The following FAM47E variants were observed in gnomAD, a reference collection of about 807,000 sequenced individuals.
FAM47E encodes the protein family with sequence similarity 47 member E.
In FAM47E, 32 loss-of-function variants were observed where a neutral mutation model predicts 41.6. The ratio of observed to expected loss-of-function variants is 0.77; its 90% CI spans 0.58 to 1.03. The LOEUF (loss-of-function observed/expected upper bound fraction) is 1.03, where lower values mean the gene tolerates loss of function less well. Ranked by LOEUF, FAM47E falls within the 50% of genes least tolerant of loss-of-function variation. The pLI, the probability that FAM47E is intolerant of heterozygous loss-of-function variation, is 0.00. For missense variants in FAM47E, 424 were observed against 485.4 expected, an observed-to-expected ratio of 0.87 and a Z score of 1.19; for synonymous variants, 184 against 188.7, an observed-to-expected ratio of 0.98 and a Z score of 0.20.
intron 2 of FAM47E, among the ~76,000 whole-genome samples, chr4:76,234,059 G>C (rs1393689468): frequency 2.6e-5 from 4 of 152,248 alleles, no homozygotes; most frequent in Non-Finnish European, 4.4e-5. Context: ...CAGGCCCAGG[G>C]TGTGTGGCAG....
At chr4:76,245,205 A>G (rs1448646127) in intron 2 of FAM47E, among the ~76,000 whole-genome samples, 2 of 152,066 alleles carry the variant, frequency 1.3e-5, no homozygotes, top group Non-Finnish European at 2.9e-5. Flanking sequence ...TAAGTAACAT[A>G]CGTATCAGAG....
At chr4:76,276,222 C>T (rs532548561) in intron 5 of FAM47E, among the ~76,000 whole-genome samples, 13 of 151,930 alleles carry the variant, frequency 8.6e-5, no homozygotes, top group Admixed American at 3.9e-4. Flanking sequence ...GAATAATTTC[C>T]GAAGCTTATA....
intron 2 of FAM47E, among the ~76,000 whole-genome samples, chr4:76,262,233 C>T (rs750057805): frequency 1.3e-5 from 2 of 152,012 alleles, no homozygotes; most frequent in East Asian, 1.9e-4. Flanking sequence ...TGAATATGAA[C>T]GTATTCTCCA....
intron 2 of FAM47E, among the ~76,000 whole-genome samples, chr4:76,229,264 C>A (rs962732152): frequency 4.6e-5 from 7 of 151,840 alleles, no homozygotes; most frequent in African/African-American, 1.7e-4. Context: ...TTTTAAATTT[C>A]TTTACGTTGG....
intron 2 of FAM47E, among the ~76,000 whole-genome samples, chr4:76,246,563 A>G (rs902252360): frequency 6.6e-6 from 1 of 152,102 alleles, no homozygotes; most frequent in Non-Finnish European, 1.5e-5. Context: ...TAACTTACAT[A>G]GTAAAATGCA....
intron 2 of FAM47E, among the ~76,000 whole-genome samples, chr4:76,245,101 T>C (rs1454996549): frequency 6.6e-6 from 1 of 151,764 alleles, no homozygotes. Context: ...TCACCAACAC[T>C]AGTAACGATG....
intron 2 of FAM47E, among the ~76,000 whole-genome samples, chr4:76,262,774 T>G (rs1734472729): frequency 6.6e-6 from 1 of 152,072 alleles, no homozygotes; most frequent in African/African-American, 2.4e-5. Context: ...TTTTTGTTTG[T>G]TTTTTTGAGA....
At chr4:76,256,095 C>G in intron 1 of FAM47E, 83 bp from the exon 2 acceptor site, 1 of 1,444,446 alleles carries the variant, frequency 6.9e-7, no homozygotes, top group South Asian at 1.4e-5. Flanking sequence ...TTTTTACTAC[C>G]TCCTTCTCCC....
intron 2 of FAM47E, among the ~76,000 whole-genome samples, chr4:76,235,500 G>T (rs1733571692): frequency 2.0e-5 from 3 of 152,072 alleles, no homozygotes; most frequent in Admixed American, 2.0e-4. Context: ...CTTTACAACT[G>T]TGGGAGGTAG....
At chr4:76,221,817 C>A (rs530292487) in intron 2 of FAM47E, among the ~76,000 whole-genome samples, 1 of 152,302 alleles carries the variant, frequency 6.6e-6, no homozygotes, top group South Asian at 2.1e-4. Flanking sequence ...ATGCTCACTA[C>A]CTGGGTGACA....
Position 76,251,866 on chromosome 4 carries a change from C to G in FAM47E, c.74+46C>G, listed in dbSNP as rs1733978123. 3 of 1,364,966 alleles carry G rather than the reference C, an allele frequency of 2.2e-6. No homozygotes were observed. The South Asian group carries it at 5.2e-5, about 24-fold the overall frequency. The allele number at this position is 1,364,966 out of a possible 1,614,324, so 84.6% of individuals were successfully genotyped here. On this transcript the variant is annotated intron_variant, in intron 1 of 7. Transcript: ENST00000424749. ...CCGAGGGCGCATCCCACGCGGGCCGCGCGGGGGCGCCTGGAGACCCGCGCT... is the reference window on the plus strand; with the variant it reads ...CCGAGGGCGCATCCCACGCGGGCCGGGCGGGGGCGCCTGGAGACCCGCGCT...
intron 2 of FAM47E, among the ~76,000 whole-genome samples, chr4:76,239,068 T>G (rs916789052): frequency 1.3e-5 from 2 of 152,218 alleles, no homozygotes; most frequent in Admixed American, 6.5e-5. Context: ...ATATCAAAAT[T>G]TCCTTCCTAT....
At position 76,278,215 on chromosome 4, in the gene FAM47E, G is replaced by T. The variant is rs1226671366; in HGVS notation, c.1017G>T (p.Leu339=). The change falls in exon 6 of 8, where the codon CTG becomes CTT. Residue 339 remains leucine (L), a synonymous_variant. Transcript: ENST00000424749. ...KAQEENFKKE[L]QEQEELLADL... ...AAGAGGAGAATTTTAAAAAGGAGCT[G>T]CAGGAACAGGTATGTATTTATACTG... 1.3e-6 allele frequency: 2 copies of T among 1,539,552 alleles called. No individual in the cohort carries two copies. The highest frequency in any genetic ancestry group is 2.8e-5 in the African/African-American group (2 of 72,094).
intron 2 of FAM47E, among the ~76,000 whole-genome samples, chr4:76,244,859 G>A (rs1385200577): frequency 6.6e-6 from 1 of 151,276 alleles, no homozygotes; most frequent in Non-Finnish European, 1.5e-5. Context: ...GTTGACATAT[G>A]TTTTCTCTCA....
intron 2 of FAM47E, among the ~76,000 whole-genome samples, chr4:76,221,084 C>A (rs1293522821): frequency 6.6e-6 from 1 of 152,182 alleles, no homozygotes; most frequent in Non-Finnish European, 1.5e-5. Context: ...CTGCCTGGCA[C>A]CATGCAATCT....
intron 2 of FAM47E, among the ~76,000 whole-genome samples, chr4:76,231,811 G>T (rs1168728036): frequency 6.6e-6 from 1 of 152,146 alleles, no homozygotes; most frequent in African/African-American, 2.4e-5. Flanking sequence ...GTTAAAAGTG[G>T]CATTCTTTAC....
intron 3 of FAM47E, among the ~76,000 whole-genome samples, chr4:76,266,947 G>A (rs2110015634): frequency 6.6e-6 from 1 of 152,224 alleles, no homozygotes. Context: ...CTTCTTTTGG[G>A]TCTTTGGTCA....
At chr4:76,214,275 ATGCCAGCAAGCATGTTC>A (rs1158320709) in exon 1 of FAM47E, 1 of 455,968 alleles carries the variant, frequency 2.2e-6, no homozygotes, top group African/African-American at 2.0e-5. Flanking sequence ...TGCTGAGATC[ATGCCAGCAAGCATGTTC>A]TGCCTGGATG....
rs150055871 is a variant in FAM47E, at chr4:76,267,223, G to A, written c.561-1437G>A. ...TGAATGGGTGGATAAATTAATATGA[G>A]TGTTATGAATAAAAGGTACAGGGGC... On this transcript the variant is annotated intron_variant, in intron 3 of 7. Coordinates refer to ENST00000424749, the MANE Select transcript of FAM47E (RefSeq NM_001136570.3). Among the ~76,000 whole-genome samples, 333 of 152,322 alleles carry A rather than the reference G, an allele frequency of 2.2e-3. 1 individual carries two copies. The highest frequency in any genetic ancestry group is 7.6e-3 in the African/African-American group (317 of 41,586).
Sources: allele counts gnomAD v4.1 joint callset (sites outside exome capture counted in the v4.1 genomes callset), GRCh38; gene constraint gnomAD v4.1.1; transcripts MANE v1.5; gene names NCBI Gene and HGNC (gene_info 2026-07-23, HGNC 2026-07-21).